KIF26B: variants seen among roughly 807,000 people sequenced by gnomAD.
KIF26B encodes the protein kinesin-like protein KIF26B.
KIF26B carries 63 observed loss-of-function variants against 151.2 expected under a neutral mutation model. That is an observed-to-expected ratio of 0.42 (90% CI 0.34 to 0.51). The LOEUF is 0.51. Among genes scored for constraint, KIF26B ranks in the 20% least tolerant of loss-of-function variants. The pLI is 0.07. For missense variants in KIF26B, 2,813 were observed against 2,913.6 expected (o/e 0.97, Z 0.79); for synonymous variants, 1,357 against 1,262.1 (o/e 1.08, Z -1.59).
At chr1:245,565,285 G>GT (rs1256119024) in intron 5 of KIF26B, among the ~76,000 whole-genome samples, 190 of 136,566 alleles carry the variant, frequency 1.4e-3, no homozygotes, top group Middle Eastern at 0.011. Flanking sequence ...TTTTTTTTGG[G>GT]TTTTTTTGTT....
chr1:245,303,284 C>T (rs1440781216), intron 2 of KIF26B, among the ~76,000 whole-genome samples: 8 of 148,262 alleles, frequency 5.4e-5, no homozygotes, highest in Admixed American at 6.7e-5. Flanking sequence ...CTGCAAGCTC[C>T]GCCTCCCGGG....
intron 10 of KIF26B, among the ~76,000 whole-genome samples, chr1:245,679,523 C>G (rs1417916867): frequency 8.1e-6 from 1 of 122,746 alleles, no homozygotes; most frequent in Non-Finnish European, 1.6e-5. Context: ...GGCTGGAGTG[C>G]AGTGGCGCAA....
chr1:245,687,740 A>G lies in KIF26B; in HGVS notation c.4757A>G (p.His1586Arg). 2.5e-6 allele frequency: 4 copies of G among 1,578,428 alleles called. No homozygotes were observed. Among genetic ancestry groups the G allele is most frequent in the Non-Finnish European group, 3.4e-6 (4 of 1,162,576 alleles). Residue 1586 changes from histidine to arginine, a missense_variant, in exon 12 of 15, where the codon CAC (histidine) becomes CGC (arginine). Transcript: ENST00000407071. This position sits in a 1 kb window ranked among gnomAD's most constrained non-coding sequence, Gnocchi z 4.9. ...GAGGGGAAGGTGGCTTCCCCCAAGC[A>G]CTGTGTTCTGGCTCGGCCCAAAGGG... ...TLEGKVASPK[H>R]CVLARPKGTP...
chr1:245,165,589 G>T (rs1325822930), intron 2 of KIF26B, among the ~76,000 whole-genome samples: 1 of 152,142 alleles, frequency 6.6e-6, no homozygotes, highest in Non-Finnish European at 1.5e-5. Flanking sequence ...AGATGTGTGG[G>T]GTGAGACGAC....
intron 2 of KIF26B, among the ~76,000 whole-genome samples, chr1:245,219,014 G>A (rs1343434186): frequency 6.6e-6 from 1 of 150,812 alleles, no homozygotes; most frequent in African/African-American, 2.4e-5. Context: ...TCTCTGGGAA[G>A]ATGTCCTCTC....
intron 2 of KIF26B, among the ~76,000 whole-genome samples, chr1:245,321,926 CTG>C (rs2102987346): frequency 6.6e-6 from 1 of 152,302 alleles, no homozygotes; most frequent in South Asian, 2.1e-4. Flanking sequence ...CACAACTAGA[CTG>C]TGAGAGGAAC....
Position 245,207,463 on chromosome 1 carries a change from A to C in KIF26B, c.465+50780A>C, listed in dbSNP as rs542978119. On this transcript the variant is annotated intron_variant, in intron 2 of 14. Transcript: ENST00000407071. Reference sequence around the variant, plus strand: ...TGCCACAGCAGGAGGGGTAAATTACAGAGTGAGTAGCAGACGTGGGCTCTG... The same window carrying C: ...TGCCACAGCAGGAGGGGTAAATTACCGAGTGAGTAGCAGACGTGGGCTCTG... 5.3e-5 allele frequency among the ~76,000 whole-genome samples: 8 copies of C among 152,336 alleles called. No individual in the cohort carries two copies. In the South Asian group the frequency reaches 1.7e-3, roughly 32 times the overall value.
At position 245,306,237 on chromosome 1, in the gene KIF26B, G is replaced by A. The variant is rs115379025; in HGVS notation, c.466-60597G>A. Among the ~76,000 whole-genome samples, 992 of 152,232 alleles carry A rather than the reference G, an allele frequency of 6.5e-3. 11 individuals carry two copies. Among genetic ancestry groups the A allele is most frequent in the African/African-American group, 0.022 (913 of 41,540 alleles). On this transcript the variant is annotated intron_variant, in intron 2 of 14. Coordinates refer to ENST00000407071, the MANE Select transcript of KIF26B (RefSeq NM_018012.4). The stretch of plus-strand genomic sequence containing the variant: ...TGGCAGTGAAAAGGAATGAAGTGTG[G>A]TTCATTCATTGAAATATTATGGTAA...
intron 2 of KIF26B, among the ~76,000 whole-genome samples, chr1:245,202,642 CCCAG>C (rs1669320819): frequency 6.6e-6 from 1 of 151,890 alleles, no homozygotes; most frequent in Non-Finnish European, 1.5e-5. Context: ...CGCCTGTAGT[CCCAG>C]CTACTCAGGA....
intron 2 of KIF26B, among the ~76,000 whole-genome samples, chr1:245,200,886 C>T (rs951926694): frequency 3.9e-5 from 6 of 152,166 alleles, no homozygotes; most frequent in East Asian, 1.9e-4. Context: ...CAGTACAGGA[C>T]GTTTTCCAAA....
chr1:245,301,692 T>C (rs1288152117), intron 2 of KIF26B, among the ~76,000 whole-genome samples: 1 of 152,212 alleles, frequency 6.6e-6, no homozygotes, highest in Non-Finnish European at 1.5e-5. Flanking sequence ...GAGGAAATGT[T>C]ATATTGCTGT....
chr1:245,464,289 G>T (rs962681575), intron 4 of KIF26B, among the ~76,000 whole-genome samples: 1 of 152,212 alleles, frequency 6.6e-6, no homozygotes, highest in African/African-American at 2.4e-5. Flanking sequence ...TCTCAGGAGA[G>T]GATGGCCCAG....
chr1:245,369,046 G>C (rs1469504767), intron 3 of KIF26B, among the ~76,000 whole-genome samples: 1 of 152,160 alleles, frequency 6.6e-6, no homozygotes, highest in Non-Finnish European at 1.5e-5. Flanking sequence ...GCTGAAACGG[G>C]AAGATCGCCT....
chr1:245,264,415 G>T (rs765496399), intron 2 of KIF26B, among the ~76,000 whole-genome samples: 5 of 152,270 alleles, frequency 3.3e-5, no homozygotes, highest in Admixed American at 6.5e-5. Context: ...AAACATATAT[G>T]CTTCTTGCCC....
chr1:245,293,103 G>C (rs532293448), intron 2 of KIF26B, among the ~76,000 whole-genome samples: 90 of 152,240 alleles, frequency 5.9e-4, no homozygotes, highest in Non-Finnish European at 8.4e-4. Context: ...TTTGACTCAA[G>C]TCTTGTGTGT....
chr1:245,581,335 C>G (rs1224153062), intron 5 of KIF26B, among the ~76,000 whole-genome samples: 1 of 152,148 alleles, frequency 6.6e-6, no homozygotes, highest in Non-Finnish European at 1.5e-5. Context: ...TGGCTTTGCT[C>G]TTGATCAGAA....
chr1:245,333,995 T>C (rs1229489406), intron 2 of KIF26B, among the ~76,000 whole-genome samples: 1 of 150,132 alleles, frequency 6.7e-6, no homozygotes, highest in Non-Finnish European at 1.5e-5. Flanking sequence ...TGAGACTCCG[T>C]GTCAAAAAAA....
chr1:245,443,298 T>A (rs563425683), intron 4 of KIF26B, among the ~76,000 whole-genome samples: 13 of 145,770 alleles, frequency 8.9e-5, no homozygotes, highest in Admixed American at 7.5e-4. Flanking sequence ...TGCGGTCATC[T>A]CCCTCACTGT....
intron 2 of KIF26B, among the ~76,000 whole-genome samples, chr1:245,253,684 AACTT>A (rs752551595): frequency 8.5e-4 from 129 of 151,900 alleles, no homozygotes; most frequent in Non-Finnish European, 1.5e-3. Context: ...TTGAACTACT[AACTT>A]AATTTTTTAA....
Sources: allele counts gnomAD v4.1 joint callset (sites outside exome capture counted in the v4.1 genomes callset), GRCh38; gene constraint gnomAD v4.1.1; non-coding constraint Gnocchi (gnomAD v3.1); transcripts MANE v1.5; gene names NCBI Gene and HGNC (gene_info 2026-07-23, HGNC 2026-07-21).